GPHN: variants seen among roughly 807,000 people sequenced by gnomAD.
GPHN encodes gephyrin.
GPHN carries 17 observed loss-of-function variants against 95.5 expected under a neutral mutation model. The ratio of observed to expected loss-of-function variants is 0.18; its 90% CI spans 0.12 to 0.27. GPHN has a LOEUF of 0.27. GPHN is among the 10% of genes least tolerant of loss of function. The probability of loss-of-function intolerance (pLI) is 1.00; values close to 1 mark genes in which losing one functional copy is unlikely to be tolerated. For missense variants in GPHN, 660 were observed against 978.1 expected, an observed-to-expected ratio of 0.67 and a Z score of 4.34; for synonymous variants, 320 against 322.5, an observed-to-expected ratio of 0.99 and a Z score of 0.08.
chr14:66,798,187 T>C (rs1275934120), intron 3 of GPHN, among the ~76,000 whole-genome samples: 1 of 151,988 alleles, frequency 6.6e-6, no homozygotes, highest in Non-Finnish European at 1.5e-5. Context: ...TTGGTCATGG[T>C]GAATGATCTT....
chr14:66,608,288 G>A (rs1382704628), intron 1 of GPHN, among the ~76,000 whole-genome samples: 5 of 151,826 alleles, frequency 3.3e-5, no homozygotes, highest in South Asian at 4.2e-4. Context: ...ATGTATATGT[G>A]TAGCTTTGAG....
chr14:67,060,704 A>T (rs1488537986), intron 11 of GPHN, among the ~76,000 whole-genome samples: 1 of 152,218 alleles, frequency 6.6e-6, no homozygotes, highest in African/African-American at 2.4e-5. Flanking sequence ...TGGCTCCTTT[A>T]CAGGCTTGCC....
chr14:66,944,266 G>A (rs566426744), intron 8 of GPHN, among the ~76,000 whole-genome samples: 2 of 152,298 alleles, frequency 1.3e-5, no homozygotes, highest in Admixed American at 6.5e-5. Context: ...GGTTCATGGA[G>A]GGGAAGAGAA....
chr14:67,282,263 T>C, the GPHN span, among the ~76,000 whole-genome samples: 137 of 152,256 alleles, frequency 9.0e-4, no homozygotes, highest in Non-Finnish European at 1.8e-3. Flanking sequence ...TCCCTGAACA[T>C]TGTGTGTGTC....
chr14:67,497,368 G>A, the GPHN span, among the ~76,000 whole-genome samples: 4 of 152,214 alleles, frequency 2.6e-5, no homozygotes, highest in South Asian at 6.2e-4. Flanking sequence ...ACACTGTAGC[G>A]CAGGCCGAGA....
chr14:67,692,587 C>A, the GPHN span: 1 of 1,572,246 alleles, frequency 6.4e-7, no homozygotes, highest in Non-Finnish European at 8.6e-7. Context: ...TAAATATACT[C>A]GAGCTCCTGT....
At chr14:67,551,952 C>T in the GPHN span, among the ~76,000 whole-genome samples, 20 of 152,260 alleles carry the variant, frequency 1.3e-4, 1 homozygote, top group South Asian at 4.2e-3. Context: ...TGGCTCAGGC[C>T]ACTGCTCGGC....
At chr14:67,085,373 T>C (rs1163779931) in intron 11 of GPHN, among the ~76,000 whole-genome samples, 1 of 152,248 alleles carries the variant, frequency 6.6e-6, no homozygotes, top group African/African-American at 2.4e-5. Context: ...TTACTCCACT[T>C]TCTTCTACTT....
intron 9 of GPHN, among the ~76,000 whole-genome samples, chr14:67,003,604 G>A (rs763734907): frequency 2.6e-5 from 4 of 151,540 alleles, no homozygotes; most frequent in Admixed American, 6.6e-5. Flanking sequence ...CTAGAAATTG[G>A]GACAAGGACT....
intron 11 of GPHN, among the ~76,000 whole-genome samples, chr14:67,063,435 G>T (rs1271247545): frequency 6.6e-6 from 1 of 152,152 alleles, no homozygotes; most frequent in Non-Finnish European, 1.5e-5. Context: ...GGTTCCATGT[G>T]AGCTTTAAAG....
the GPHN span, chr14:67,208,486 A>G: frequency 6.3e-7 from 1 of 1,586,526 alleles, no homozygotes; most frequent in Non-Finnish European, 8.6e-7. Context: ...GAATTCTAAG[A>G]CATGAAATAT....
At chr14:67,456,060 C>T in the GPHN span, among the ~76,000 whole-genome samples, 1 of 152,136 alleles carries the variant, frequency 6.6e-6, no homozygotes, top group Non-Finnish European at 1.5e-5. Context: ...TATTTGCAAA[C>T]TATGCATCTG....
intron 18 of GPHN, among the ~76,000 whole-genome samples, chr14:67,145,356 A>G (rs1270975512): frequency 6.6e-6 from 1 of 152,176 alleles, no homozygotes; most frequent in African/African-American, 2.4e-5. Context: ...ACACTTCTCA[A>G]CCTAACCTTC....
chr14:66,865,299 A>G (rs1041464584), intron 4 of GPHN, among the ~76,000 whole-genome samples: 1 of 152,150 alleles, frequency 6.6e-6, no homozygotes, highest in African/African-American at 2.4e-5. Flanking sequence ...GATATTCCAT[A>G]TACCATGATG....
the GPHN span, among the ~76,000 whole-genome samples, chr14:67,433,328 A>G: frequency 1.3e-5 from 2 of 152,186 alleles, no homozygotes; most frequent in South Asian, 4.1e-4. Context: ...TGAGAGTAAG[A>G]GTGGGACAGA....
chr14:67,066,039 C>T (rs1471689999), intron 11 of GPHN, among the ~76,000 whole-genome samples: 1 of 152,108 alleles, frequency 6.6e-6, no homozygotes, highest in Non-Finnish European at 1.5e-5. Flanking sequence ...CATTGATGTT[C>T]TTTACAATTT....
chr14:66,916,509 T>G lies in GPHN; in HGVS notation c.456+440T>G, dbSNP rs559409934. 8.5e-3 allele frequency among the ~76,000 whole-genome samples: 1,285 copies of G among 151,308 alleles called. 14 individuals carry two copies. Among genetic ancestry groups the G allele is most frequent in the African/African-American group, 0.027 (1,113 of 41,158 alleles). The stretch of plus-strand genomic sequence containing the variant: ...TTTTTTTTTTTTGGTTTGGTTTTTT[T>G]TTTTGTTTTGTTTTGTTTTTTTTGC... On this transcript the variant is annotated intron_variant, in intron 6 of 22. Transcript: ENST00000478722.
the GPHN span, chr14:67,470,239 G>A: frequency 6.6e-6 from 1 of 152,262 alleles, no homozygotes; most frequent in Admixed American, 6.5e-5. Context: ...GGCTCCAAAA[G>A]AGGAAAAACA....
the GPHN span, among the ~76,000 whole-genome samples, chr14:67,366,063 G>C: frequency 1.8e-4 from 27 of 151,600 alleles, no homozygotes; most frequent in African/African-American, 6.3e-4. Context: ...AGTACCTAAA[G>C]TAGTGTCTAA....
Sources: allele counts gnomAD v4.1 joint callset (sites outside exome capture counted in the v4.1 genomes callset), GRCh38; gene constraint gnomAD v4.1.1; transcripts MANE v1.5; gene names NCBI Gene and HGNC (gene_info 2026-07-23, HGNC 2026-07-21).